PREX1: variants seen among roughly 807,000 people sequenced by gnomAD.
PREX1 encodes phosphatidylinositol-3,4,5-trisphosphate dependent Rac exchange factor 1.
PREX1 carries 41 observed loss-of-function variants against 198.3 expected under a neutral mutation model. That is an observed-to-expected ratio of 0.21 (90% CI 0.16 to 0.27). PREX1 has a LOEUF of 0.27. Ranked by LOEUF, PREX1 falls within the 10% of genes least tolerant of loss-of-function variation. PREX1 has a pLI of 1.00. For synonymous variants in PREX1, 843 were observed against 887.2 expected, an observed-to-expected ratio of 0.95 and a Z score of 0.89; for missense variants, 1,620 against 2,200.7, an observed-to-expected ratio of 0.74 and a Z score of 5.28.
chr20:48,639,310 C>G (rs566307008), intron 30 of PREX1, among the ~76,000 whole-genome samples: 1 of 152,208 alleles, frequency 6.6e-6, no homozygotes, highest in Non-Finnish European at 1.5e-5. Flanking sequence ...ATGTGAGAAC[C>G]TTTGTCAAGC....
intron 1 of PREX1, among the ~76,000 whole-genome samples, chr20:48,788,785 A>C (rs893455213): frequency 2.0e-5 from 3 of 152,206 alleles, no homozygotes; most frequent in Non-Finnish European, 4.4e-5. Context: ...TGAATGAATT[A>C]ATGCATTCAC....
At position 48,679,242 on chromosome 20, in the gene PREX1, T is replaced by C. The variant is rs557132260; in HGVS notation, c.1589+118A>G. ...GACAAATCTAAAGGATAGGTGCCAC[T>C]GCAAGCCCCATTTAATGGAGAAGGA... On this transcript the variant is annotated intron_variant, in intron 13 of 39. Transcript: ENST00000371941. The C allele has an allele frequency of 9.3e-6, 8 of 863,420 alleles. No homozygotes were observed. In the Admixed American group the frequency reaches 1.8e-4, roughly 19 times the overall value. The allele number at this position is 863,420 out of a possible 1,614,324, so 53.5% of individuals were successfully genotyped here.
At chr20:48,654,742 G>T in intron 19 of PREX1, among the ~76,000 whole-genome samples, 1 of 152,304 alleles carries the variant, frequency 6.6e-6, no homozygotes, top group East Asian at 1.9e-4. Context: ...AACTTTAAAG[G>T]GAGGGGCACT....
intron 5 of PREX1, among the ~76,000 whole-genome samples, chr20:48,714,176 G>A (rs1346195662): frequency 6.6e-6 from 1 of 152,110 alleles, no homozygotes; most frequent in African/African-American, 2.4e-5. Context: ...CTTAAGTTAG[G>A]CGAAGTGCTC....
chr20:48,636,043 GT>G (rs2089360241), intron 32 of PREX1, among the ~76,000 whole-genome samples: 1 of 152,180 alleles, frequency 6.6e-6, no homozygotes, highest in African/African-American at 2.4e-5. Context: ...AGAGGCACTG[GT>G]GACTCTCAGG....
chr20:48,793,806 G>A lies in PREX1; in HGVS notation c.219+33836C>T, dbSNP rs114944044. Among the ~76,000 whole-genome samples, 495 of 152,344 alleles carry A rather than the reference G, an allele frequency of 3.2e-3. 4 individuals are homozygous for A. The highest frequency in any genetic ancestry group is 0.011 in the African/African-American group (470 of 41,576). ...GGAAGCATTACTTATTCATATGTAAGGGTCAGTTCTGGCCATTAATAAATG... is the reference window on the plus strand; with the variant it reads ...GGAAGCATTACTTATTCATATGTAAAGGTCAGTTCTGGCCATTAATAAATG... On this transcript the variant is annotated intron_variant, in intron 1 of 39. Coordinates refer to ENST00000371941, the MANE Select transcript of PREX1 (RefSeq NM_020820.4).
At chr20:48,788,085 G>A (rs1209639257) in intron 1 of PREX1, among the ~76,000 whole-genome samples, 1 of 152,192 alleles carries the variant, frequency 6.6e-6, no homozygotes, top group Non-Finnish European at 1.5e-5. Flanking sequence ...GAGAATGTGT[G>A]CAAACCCAAA....
chr20:48,720,913 C>T (rs539052013), intron 5 of PREX1, among the ~76,000 whole-genome samples: 5 of 152,118 alleles, frequency 3.3e-5, no homozygotes, highest in East Asian at 1.9e-4. Context: ...GAGACACCAG[C>T]GGCCGTGCAC....
intron 1 of PREX1, among the ~76,000 whole-genome samples, chr20:48,778,062 C>T (rs2090271275): frequency 6.6e-6 from 1 of 152,128 alleles, no homozygotes; most frequent in Non-Finnish European, 1.5e-5. Context: ...AAAGGGTAAG[C>T]TGTGACTGTG....
intron 2 of PREX1, 87 bp from the exon 3 acceptor site, chr20:48,745,234 G>A (rs780731774): frequency 2.7e-5 from 38 of 1,406,684 alleles, no homozygotes; most frequent in Middle Eastern, 1.9e-4. Context: ...ACCTCGGTGC[G>A]GGTGACATTG....
intron 5 of PREX1, among the ~76,000 whole-genome samples, chr20:48,724,315 A>G (rs2090000424): frequency 6.6e-6 from 1 of 152,206 alleles, no homozygotes; most frequent in African/African-American, 2.4e-5. Flanking sequence ...TACCTTGCTG[A>G]GTTGCCGTTA....
rs1050154722 is a variant in PREX1 at position 48,651,040 on chromosome 20, C to A, written c.2671G>T (p.Ala891Ser). 3.1e-6 allele frequency: 5 copies of A among 1,614,096 alleles called. No individual in the cohort carries two copies. The Admixed American group carries it at 8.3e-5, about 27-fold the overall frequency. The change falls in exon 23 of 40, where the codon GCT becomes TCT. Residue 891 changes from alanine to serine, a missense_variant. This residue lies in a region of PREX1 where 514 missense variants were observed against 611.6 expected (regional missense o/e 0.84). Coordinates refer to ENST00000371941, the MANE Select transcript of PREX1 (RefSeq NM_020820.4). ...TCCACGAAGACGCTGTCATTGGCAGCAAAGGCCTCGAGGATCTGCAGAAAT... is the reference window on the plus strand; with the variant it reads ...TCCACGAAGACGCTGTCATTGGCAGAAAAGGCCTCGAGGATCTGCAGAAAT... ...GLTAKILEAF[A>S]ANDSVFVENC...
chr20:48,681,346 C>T lies in PREX1; in HGVS notation c.1335-11G>A. 1 of 1,613,498 alleles carries T rather than the reference C, an allele frequency of 6.2e-7. No homozygotes were observed. Reference sequence around the variant, plus strand: ...CAGGCAACGAACTCACTGCCAGGAACACAATATGTGGTTGAGAGGATTTCC... The same window carrying T: ...CAGGCAACGAACTCACTGCCAGGAATACAATATGTGGTTGAGAGGATTTCC... On this transcript the variant is annotated splice_polypyrimidine_tract_variant and intron_variant, in intron 10 of 39. Coordinates refer to ENST00000371941, the MANE Select transcript of PREX1 (RefSeq NM_020820.4).
chr20:48,719,351 C>A (rs2089975878), intron 5 of PREX1, among the ~76,000 whole-genome samples: 1 of 152,128 alleles, frequency 6.6e-6, no homozygotes, highest in Non-Finnish European at 1.5e-5. Context: ...TTAGTGCTCA[C>A]CACACAGGAA....
At chr20:48,753,203 G>T (rs1385385284) in intron 1 of PREX1, among the ~76,000 whole-genome samples, 1 of 152,150 alleles carries the variant, frequency 6.6e-6, no homozygotes, top group Non-Finnish European at 1.5e-5. Context: ...CAGGGAGAGG[G>T]TTAGAAGGAT....
At chr20:48,811,488 G>A (rs969749532) in intron 1 of PREX1, among the ~76,000 whole-genome samples, 9 of 151,776 alleles carry the variant, frequency 5.9e-5, no homozygotes. Flanking sequence ...CTGGCCCACA[G>A]CAAGGGTACG....
At chr20:48,836,554 C>T in the PREX1 span, among the ~76,000 whole-genome samples, 1 of 152,164 alleles carries the variant, frequency 6.6e-6, no homozygotes, top group African/African-American at 2.4e-5. Context: ...GTGGCACAAC[C>T]ATGGCTCTGT....
chr20:48,750,195 C>G (rs999200550), intron 1 of PREX1, among the ~76,000 whole-genome samples: 3 of 152,168 alleles, frequency 2.0e-5, no homozygotes, highest in Non-Finnish European at 2.9e-5. Flanking sequence ...TACCTGAATA[C>G]TACAACCACT....
chr20:48,721,968 G>C (rs960601509), intron 5 of PREX1, among the ~76,000 whole-genome samples: 8 of 152,140 alleles, frequency 5.3e-5, no homozygotes, highest in Non-Finnish European at 1.0e-4. Flanking sequence ...GGGATGGAGG[G>C]GGTGGTGGGG....
Sources: allele counts gnomAD v4.1 joint callset (sites outside exome capture counted in the v4.1 genomes callset), GRCh38; gene constraint gnomAD v4.1.1; regional missense constraint gnomAD v4.1.1; transcripts MANE v1.5; gene names NCBI Gene and HGNC (gene_info 2026-07-23, HGNC 2026-07-21).